TBC1D5: variants seen among roughly 807,000 people sequenced by gnomAD.
The protein encoded by TBC1D5 is TBC1 domain family, member 5.
Under a neutral mutation model 100.3 loss-of-function variants are expected in TBC1D5, and 75 were observed. The observed-to-expected ratio is 0.75, with a 90% CI of 0.62 to 0.91. The LOEUF (loss-of-function observed/expected upper bound fraction) is 0.91. Ranked by LOEUF, TBC1D5 falls within the 40% of genes least tolerant of loss-of-function variation. The pLI is 0.00. For missense variants in TBC1D5, 910 were observed against 942.4 expected, an observed-to-expected ratio of 0.97 and a Z score of 0.45; for synonymous variants, 323 against 325.6, an observed-to-expected ratio of 0.99 and a Z score of 0.09.
chr3:17,226,706 T>G (rs1190202522), intron 17 of TBC1D5, among the ~76,000 whole-genome samples: 3 of 152,206 alleles, frequency 2.0e-5, no homozygotes. Context: ...GCTCTCTCCC[T>G]GCCAGTGTTG....
At chr3:17,194,497 T>C (rs2125686996) in intron 18 of TBC1D5, among the ~76,000 whole-genome samples, 1 of 152,320 alleles carries the variant, frequency 6.6e-6, no homozygotes, top group African/African-American at 2.4e-5. Context: ...ATTTATACAA[T>C]TTCTCATTAA....
intron 3 of TBC1D5, among the ~76,000 whole-genome samples, chr3:17,495,164 T>C (rs981264565): frequency 1.3e-5 from 2 of 152,296 alleles, no homozygotes; most frequent in East Asian, 3.9e-4. Flanking sequence ...GCCACTTTTG[T>C]TTTCCTCCAC....
At chr3:17,659,085 T>C (rs975459750) in intron 1 of TBC1D5, among the ~76,000 whole-genome samples, 1 of 152,100 alleles carries the variant, frequency 6.6e-6, no homozygotes, top group African/African-American at 2.4e-5. Context: ...AGGATCACCA[T>C]TGTACAGAGG....
Position 17,208,826 on chromosome 3 carries a change from T to C in TBC1D5, c.1752+5381A>G, listed in dbSNP as rs1376709544. Among the ~76,000 whole-genome samples the C allele has an allele frequency of 5.9e-5, 9 of 152,364 alleles. No individual in the cohort carries two copies. The East Asian group carries it at 1.7e-3, about 29-fold the overall frequency. ...CCTGTCTCCATATGCCTTTCTCATT[T>C]GTTATTCTCTTACTCTGGTTCTTCA... On this transcript the variant is annotated intron_variant, in intron 18 of 21. Coordinates refer to ENST00000253692, the Ensembl canonical transcript of TBC1D5.
At chr3:17,297,148 G>A (rs911492028) in intron 14 of TBC1D5, among the ~76,000 whole-genome samples, 2 of 152,182 alleles carry the variant, frequency 1.3e-5, no homozygotes, top group African/African-American at 2.4e-5. Flanking sequence ...TCAGAATGAC[G>A]GCATGTTAGC....
At chr3:17,596,745 T>C (rs1290073933) in intron 2 of TBC1D5, among the ~76,000 whole-genome samples, 1 of 149,592 alleles carries the variant, frequency 6.7e-6, no homozygotes, top group Non-Finnish European at 1.5e-5. Context: ...CATATAGCCC[T>C]GCTTGGTGAC....
intron 16 of TBC1D5, among the ~76,000 whole-genome samples, chr3:17,246,173 A>AT (rs2076721080): frequency 6.6e-6 from 1 of 152,226 alleles, no homozygotes; most frequent in South Asian, 2.1e-4. Context: ...AAACAGTCAC[A>AT]TTTTAAAATG....
intron 3 of TBC1D5, among the ~76,000 whole-genome samples, chr3:17,464,000 G>A (rs1576150518): frequency 7.7e-6 from 1 of 129,358 alleles, no homozygotes; most frequent in South Asian, 2.4e-4. Flanking sequence ...TGCCCAGGCT[G>A]GAGTGCCACG....
chr3:17,591,261 A>C (rs545090226), intron 2 of TBC1D5, among the ~76,000 whole-genome samples: 2,015 of 115,058 alleles, frequency 0.018, 84 homozygotes, highest in South Asian at 0.053. Context: ...AAAAAAAAAA[A>C]AAAAACAAAA....
intron 3 of TBC1D5, among the ~76,000 whole-genome samples, chr3:17,441,999 A>C (rs1018021453): frequency 4.6e-5 from 7 of 152,204 alleles, no homozygotes; most frequent in Non-Finnish European, 8.8e-5. Context: ...AAACAAAAAC[A>C]AAAACCACTT....
chr3:17,642,307 G>A (rs994710475), intron 1 of TBC1D5, among the ~76,000 whole-genome samples: 1 of 151,914 alleles, frequency 6.6e-6, no homozygotes, highest in Non-Finnish European at 1.5e-5. Flanking sequence ...GTTAGGCAAC[G>A]TGCTCTCTAT....
intron 1 of TBC1D5, among the ~76,000 whole-genome samples, chr3:17,652,772 A>G (rs2065698703): frequency 6.6e-6 from 1 of 152,228 alleles, no homozygotes; most frequent in African/African-American, 2.4e-5. Flanking sequence ...AAATCAAATG[A>G]AAGCCAGAAG....
intron 2 of TBC1D5, among the ~76,000 whole-genome samples, chr3:17,526,643 G>T (rs539454133): frequency 6.6e-6 from 1 of 152,150 alleles, no homozygotes; most frequent in African/African-American, 2.4e-5. Flanking sequence ...CACAGGTTTT[G>T]TGAAGATTAT....
chr3:17,565,894 G>C (rs937214462), intron 2 of TBC1D5, among the ~76,000 whole-genome samples: 1 of 151,948 alleles, frequency 6.6e-6, no homozygotes, highest in Non-Finnish European at 1.5e-5. Flanking sequence ...TCCTCCACTA[G>C]TCTCTTTAAT....
intron 1 of TBC1D5, among the ~76,000 whole-genome samples, chr3:17,639,802 T>C (rs2064321977): frequency 6.6e-6 from 1 of 152,152 alleles, no homozygotes; most frequent in African/African-American, 2.4e-5. Flanking sequence ...TACAGAACTT[T>C]TGGTAATCAT....
chr3:17,649,660 T>A (rs1358073715), intron 1 of TBC1D5, among the ~76,000 whole-genome samples: 1 of 152,042 alleles, frequency 6.6e-6, no homozygotes, highest in African/African-American at 2.4e-5. Context: ...CTGGAGAGGA[T>A]GTGGAGAAAT....
At position 17,505,662 on chromosome 3, in the gene TBC1D5, A is replaced by G. The variant is rs1273281519; in HGVS notation, c.97+2812T>C. On this transcript the variant is annotated intron_variant, in intron 3 of 21. Transcript: ENST00000253692. The stretch of plus-strand genomic sequence containing the variant: ...CTGAATTTTGATATTGTTATCTTAA[A>G]TTTAAAATAAAGTGATTACTTCTTC... Among the ~76,000 whole-genome samples, 3 of 152,314 alleles carry G rather than the reference A, an allele frequency of 2.0e-5. No individual in the cohort carries two copies. In the East Asian group the frequency reaches 5.8e-4, roughly 29 times the overall value.
At chr3:17,658,522 G>T (rs2066328009) in intron 1 of TBC1D5, among the ~76,000 whole-genome samples, 1 of 152,118 alleles carries the variant, frequency 6.6e-6, no homozygotes. Context: ...TGTCAATGCA[G>T]AAAAGTAAAG....
At chr3:17,653,214 A>G (rs1282841773) in intron 1 of TBC1D5, among the ~76,000 whole-genome samples, 1 of 152,182 alleles carries the variant, frequency 6.6e-6, no homozygotes, top group Non-Finnish European at 1.5e-5. Flanking sequence ...GAGGTGATGA[A>G]AATGTTTTAG....
Sources: allele counts gnomAD v4.1 joint callset (sites outside exome capture counted in the v4.1 genomes callset), GRCh38; gene constraint gnomAD v4.1.1; transcripts MANE v1.5; gene names NCBI Gene and HGNC (gene_info 2026-07-23, HGNC 2026-07-21).